The following ACACA variants were observed in gnomAD, a reference collection of about 807,000 sequenced individuals.
ACACA encodes acetyl-CoA carboxylase 1.
ACACA carries 103 observed loss-of-function variants against 296.1 expected under a neutral mutation model. That is an observed-to-expected ratio of 0.35 (90% CI 0.30 to 0.41). ACACA has a LOEUF of 0.41. Ranked by LOEUF, ACACA falls within the 10% of genes least tolerant of loss-of-function variation. The pLI, the probability that ACACA is intolerant of heterozygous loss-of-function variation, is 1.00. For synonymous variants in ACACA, 953 were observed against 1,038.6 expected (o/e 0.92, Z 1.58); for missense variants, 1,554 against 2,989.7 (o/e 0.52, Z 11.20).
At chr17:37,294,276 A>T (rs750251777) in intron 3 of ACACA, among the ~76,000 whole-genome samples, 21 of 152,344 alleles carry the variant, frequency 1.4e-4, no homozygotes, top group Admixed American at 2.0e-4. Context: ...TTCTGAAGGC[A>T]TTTCTAGTTT....
intron 35 of ACACA, 163 bp from the exon 36 acceptor site, chr17:37,193,578 A>AACCATCACTTTGACCCCATTTCC: frequency 3.8e-6 from 2 of 532,048 alleles, no homozygotes; most frequent in Non-Finnish European, 3.4e-6. Flanking sequence ...TCCTCCGCAT[A>AACCATCACTTTGACCCCATTTCC]ACCATCACTT....
chr17:37,299,744 G>T (rs2083530016), intron 3 of ACACA: 3 of 1,001,076 alleles, frequency 3.0e-6, no homozygotes, highest in Non-Finnish European at 3.6e-6. Flanking sequence ...ACGGAGAAAA[G>T]CTCCACTGCC....
At chr17:37,267,622 A>G (rs2081848167) in intron 10 of ACACA, among the ~76,000 whole-genome samples, 1 of 152,102 alleles carries the variant, frequency 6.6e-6, no homozygotes, top group African/African-American at 2.4e-5. Flanking sequence ...ATGCAGTGGC[A>G]TGACCATAGC....
intron 29 of ACACA, chr17:37,221,406 T>C: frequency 2.6e-6 from 1 of 384,668 alleles, no homozygotes; most frequent in South Asian, 2.7e-5. Flanking sequence ...AAAAGAGTGA[T>C]TTTTCTGGCA....
chr17:37,118,118 A>G (rs184452021), intron 50 of ACACA, among the ~76,000 whole-genome samples: 1 of 152,216 alleles, frequency 6.6e-6, no homozygotes, highest in East Asian at 1.9e-4. Flanking sequence ...TCCCCCTCCT[A>G]CCTTCACAGG....
intron 31 of ACACA, among the ~76,000 whole-genome samples, chr17:37,207,305 G>A (rs2078548417): frequency 1.3e-5 from 2 of 152,148 alleles, no homozygotes; most frequent in African/African-American, 4.8e-5. Context: ...TTAATCAAAA[G>A]ATGTATTGTC....
In ACACA at chr17:37,085,009, G is replaced by A. The variant is rs2142382982; in HGVS notation, c.*2307C>T. On this transcript the variant is annotated 3_prime_UTR_variant, in exon 56 of 56. Transcript: ENST00000616317. ...ACTGTAACTCTTCTACAAATGTAGA[G>A]GTTTATTTCAACAAAATGTGTAAAG... 1 of 152,798 alleles carries A rather than the reference G, an allele frequency of 6.5e-6. No homozygotes were observed. The highest frequency in any genetic ancestry group is 2.1e-4 in the South Asian group (1 of 4,834). The allele number at this position is 152,798 out of a possible 1,614,324, so 9.5% of individuals were successfully genotyped here. A position where few individuals can be genotyped will look rare whatever the true frequency, so the allele number is the denominator to read the frequency against.
intron 1 of ACACA, among the ~76,000 whole-genome samples, chr17:37,399,772 G>A (rs75240299): frequency 0.92 from 139,295 of 152,182 alleles, 63,935 homozygotes; most frequent in East Asian, 1. Flanking sequence ...AAATCCTGAT[G>A]CCAGCCAACT....
At chr17:37,280,872 C>T (rs1342351532) in intron 5 of ACACA, among the ~76,000 whole-genome samples, 4 of 152,086 alleles carry the variant, frequency 2.6e-5, no homozygotes, top group Admixed American at 2.6e-4. Context: ...CAAGGTCCCC[C>T]TTGGCAAATA....
At chr17:37,262,434 G>T (rs1006082894) in intron 11 of ACACA, among the ~76,000 whole-genome samples, 1 of 152,164 alleles carries the variant, frequency 6.6e-6, no homozygotes, top group South Asian at 2.1e-4. Context: ...TCATGAAGAT[G>T]ACAATGTCCA....
At chr17:37,207,008 C>G in intron 31 of ACACA, 129 bp from the exon 32 acceptor site, 3 of 874,596 alleles carry the variant, frequency 3.4e-6, no homozygotes, top group Non-Finnish European at 5.5e-6. Flanking sequence ...AATAGAATCA[C>G]CAGTGGCTAG....
At chr17:37,291,150 A>ACACACACACACACACC in intron 3 of ACACA, among the ~76,000 whole-genome samples, 1 of 98,498 alleles carries the variant, frequency 1.0e-5, no homozygotes, top group South Asian at 3.7e-4. Context: ...ACATACACAC[A>ACACACACACACACACC]CACACACACA....
intron 45 of ACACA, among the ~76,000 whole-genome samples, chr17:37,131,714 G>C (rs755083399): frequency 6.6e-6 from 1 of 152,222 alleles, no homozygotes; most frequent in Non-Finnish European, 1.5e-5. Context: ...GGTGACCAAA[G>C]TAATAACCTC....
intron 52 of ACACA, among the ~76,000 whole-genome samples, chr17:37,107,148 C>G (rs1466444510): frequency 1.3e-5 from 2 of 152,166 alleles, no homozygotes; most frequent in Admixed American, 1.3e-4. Context: ...GAGGACACTC[C>G]AAGTTCAACA....
chr17:37,150,111 C>CA (rs2075974563), intron 44 of ACACA, 137 bp from the exon 45 acceptor site: 1 of 712,818 alleles, frequency 1.4e-6, no homozygotes. Flanking sequence ...TTGACAACAA[C>CA]ACACACACAC....
intron 50 of ACACA, among the ~76,000 whole-genome samples, chr17:37,114,666 T>C (rs558023133): frequency 6.6e-6 from 1 of 152,334 alleles, no homozygotes; most frequent in South Asian, 2.1e-4. Context: ...TTCCCAACTT[T>C]TTATGGACTT....
At chr17:37,191,036 T>G in intron 38 of ACACA, 84 bp downstream of exon 38, 1 of 1,518,026 alleles carries the variant, frequency 6.6e-7, no homozygotes, top group East Asian at 2.3e-5. Context: ...GAGTACCTGT[T>G]TCCAAGTCCA....
At chr17:37,252,690 G>T (rs2081050294) in intron 15 of ACACA, among the ~76,000 whole-genome samples, 196 bp downstream of exon 15, 1 of 152,166 alleles carries the variant, frequency 6.6e-6, no homozygotes, top group African/African-American at 2.4e-5. Context: ...AGGAAGTAAT[G>T]CTAGAACATA....
Position 37,234,788 on chromosome 17 carries a change from A to C in ACACA, c.3246+187T>G, listed in dbSNP as rs868622488. On this transcript the variant is annotated intron_variant, in intron 25 of 55. Transcript: ENST00000616317. ...GGCCAGAAGAGTCATTTTCTCACTA[A>C]AGCAGGTTCCTTCAGACCAAGGACA... 7.2e-5 allele frequency among the ~76,000 whole-genome samples: 11 copies of C among 152,196 alleles called. 1 individual carries two copies. The highest frequency in any genetic ancestry group is 4.1e-4 in the South Asian group (2 of 4,830).
Sources: gnomAD v4.1 joint callset for allele counts (sites outside exome capture counted in the v4.1 genomes callset) on GRCh38, gnomAD v4.1.1 for gene constraint, MANE v1.5 for transcripts, NCBI Gene and HGNC (gene_info 2026-07-23, HGNC 2026-07-21) for gene names.